The following EVI5 variants were observed in gnomAD, a reference collection of about 807,000 sequenced individuals.
The protein encoded by EVI5 is ecotropic viral integration site 5, also known as ecotropic viral integration site 5 protein homolog.
Under a neutral mutation model 112.0 loss-of-function variants are expected in EVI5, and 73 were observed. The observed-to-expected ratio is 0.65, with a 90% CI of 0.54 to 0.79. EVI5 has a LOEUF of 0.79. Among genes scored for constraint, EVI5 ranks in the 30% least tolerant of loss-of-function variants. EVI5 has a pLI of 0.00. For synonymous variants in EVI5, 305 were observed against 319.9 expected (o/e 0.95, Z 0.50); for missense variants, 900 against 968.8 (o/e 0.93, Z 0.94).
chr1:92,604,785 C>T (rs1399237345), intron 18 of EVI5, among the ~76,000 whole-genome samples: 1 of 152,164 alleles, frequency 6.6e-6, no homozygotes, highest in Non-Finnish European at 1.5e-5. Flanking sequence ...TAATGTGTTG[C>T]ACTATAACAT....
intron 19 of EVI5, among the ~76,000 whole-genome samples, chr1:92,552,613 T>C (rs1328555488): frequency 6.6e-6 from 1 of 152,226 alleles, no homozygotes; most frequent in African/African-American, 2.4e-5. Context: ...GTGTGATATA[T>C]CCCTTGAAGA....
chr1:92,764,655 C>G (rs1397478806), intron 1 of EVI5, among the ~76,000 whole-genome samples: 2 of 152,198 alleles, frequency 1.3e-5, no homozygotes, highest in African/African-American at 2.4e-5. Context: ...TTGAACTATA[C>G]AAGTGCAACT....
At chr1:92,569,932 C>T (rs1053955692) in intron 18 of EVI5, among the ~76,000 whole-genome samples, 2 of 144,214 alleles carry the variant, frequency 1.4e-5, no homozygotes, top group Non-Finnish European at 1.5e-5. Context: ...GAAAGATAAA[C>T]TCACCATTAA....
At chr1:92,542,448 G>A (rs777969092) in intron 19 of EVI5, among the ~76,000 whole-genome samples, 2 of 152,112 alleles carry the variant, frequency 1.3e-5, no homozygotes, top group African/African-American at 4.8e-5. Flanking sequence ...CAAACGGTTG[G>A]AATCAACTTC....
intron 18 of EVI5, among the ~76,000 whole-genome samples, chr1:92,581,091 A>T (rs1671860319): frequency 6.6e-6 from 1 of 152,202 alleles, no homozygotes; most frequent in Non-Finnish European, 1.5e-5. Flanking sequence ...TGGCTAGGTG[A>T]TTGTCCACAT....
At chr1:92,534,600 A>C (rs1447180420) in intron 19 of EVI5, among the ~76,000 whole-genome samples, 3 of 152,198 alleles carry the variant, frequency 2.0e-5, no homozygotes, top group Non-Finnish European at 4.4e-5. Context: ...CCAATGGAAC[A>C]GAATAGAGGC....
chr1:92,766,836 C>G (rs1682710859), intron 1 of EVI5, among the ~76,000 whole-genome samples: 1 of 152,190 alleles, frequency 6.6e-6, no homozygotes, highest in African/African-American at 2.4e-5. Context: ...AATCCCAGCA[C>G]TTTGGGAGGC....
chr1:92,783,502 AAAAAAG>A (rs1685157154), intron 1 of EVI5, among the ~76,000 whole-genome samples: 1 of 148,894 alleles, frequency 6.7e-6, no homozygotes, highest in African/African-American at 2.5e-5. Flanking sequence ...AAAAAAAAAA[AAAAAAG>A]AAAAGAAAAG....
intron 19 of EVI5, among the ~76,000 whole-genome samples, chr1:92,541,568 G>A (rs1485586803): frequency 1.3e-5 from 2 of 152,238 alleles, no homozygotes; most frequent in Middle Eastern, 3.4e-3. Flanking sequence ...TCCTCAAATA[G>A]TTAAACATAC....
intron 13 of EVI5, among the ~76,000 whole-genome samples, chr1:92,662,306 A>G (rs1423477565): frequency 6.6e-6 from 1 of 152,210 alleles, no homozygotes; most frequent in East Asian, 1.9e-4. Context: ...AACTGCATAT[A>G]TTCTGCATGC....
At chr1:92,615,926 G>T (rs965648641) in intron 16 of EVI5, among the ~76,000 whole-genome samples, 1 of 152,154 alleles carries the variant, frequency 6.6e-6, no homozygotes, top group Non-Finnish European at 1.5e-5. Context: ...TAAGGGTATG[G>T]GATAATGGTG....
rs1453483134 is a variant in EVI5 at position 92,785,064 on chromosome 1, C to T, written c.-310G>A. The T allele has an allele frequency of 1.0e-6, 1 of 985,550 alleles. No homozygotes were observed. The highest frequency in any genetic ancestry group is 1.2e-6 in the Non-Finnish European group (1 of 830,044). The allele number at this position is 985,550 out of a possible 1,614,324, so 61.1% of individuals were successfully genotyped here. On this transcript the variant is annotated 5_prime_UTR_variant, in exon 1 of 20. Coordinates refer to ENST00000684568, the MANE Select transcript of EVI5 (RefSeq NM_001350197.2). ...TGCAGCCAGCCCCTTGCCAGCTGGCCAGCTGGTTCCTCCGGGGTCCGGCCC... is the reference window on the plus strand; with the variant it reads ...TGCAGCCAGCCCCTTGCCAGCTGGCTAGCTGGTTCCTCCGGGGTCCGGCCC...
At chr1:92,740,339 C>T (rs1678172218) in intron 1 of EVI5, among the ~76,000 whole-genome samples, 1 of 152,320 alleles carries the variant, frequency 6.6e-6, no homozygotes, top group Middle Eastern at 3.4e-3. Flanking sequence ...CACCACCACA[C>T]CACAATGCAA....
intron 9 of EVI5, among the ~76,000 whole-genome samples, chr1:92,685,989 T>C (rs1229634958): frequency 6.6e-6 from 1 of 152,162 alleles, no homozygotes; most frequent in Non-Finnish European, 1.5e-5. Context: ...GCTTGCACCA[T>C]TCCTTCCGAA....
intron 9 of EVI5, among the ~76,000 whole-genome samples, chr1:92,686,325 A>C (rs1325400107): frequency 1.3e-5 from 2 of 152,236 alleles, no homozygotes; most frequent in Non-Finnish European, 2.9e-5. Flanking sequence ...GATGCAGAAA[A>C]GGCCTTTGAC....
intron 1 of EVI5, among the ~76,000 whole-genome samples, chr1:92,745,691 G>A (rs1054309554): frequency 6.6e-6 from 1 of 152,096 alleles, no homozygotes; most frequent in African/African-American, 2.4e-5. Flanking sequence ...ACCTGTAGTA[G>A]AGGCACTTGT....
intron 19 of EVI5, among the ~76,000 whole-genome samples, chr1:92,561,518 C>T (rs949516723): frequency 1.3e-5 from 2 of 151,944 alleles, no homozygotes; most frequent in African/African-American, 4.8e-5. Flanking sequence ...AGTTAAACTT[C>T]ATGTGAGTTA....
chr1:92,676,131 G>A (rs530671972), intron 10 of EVI5, among the ~76,000 whole-genome samples: 146 of 151,950 alleles, frequency 9.6e-4, no homozygotes, highest in African/African-American at 3.3e-3. Flanking sequence ...ACAGAAATGG[G>A]AATAGAACCT....
intron 1 of EVI5, among the ~76,000 whole-genome samples, chr1:92,766,908 T>A (rs1478125276): frequency 2.0e-5 from 3 of 151,954 alleles, no homozygotes; most frequent in African/African-American, 7.3e-5. Flanking sequence ...ATGGTGAAAC[T>A]CTGTCCCTAC....
Sources: allele counts gnomAD v4.1 joint callset (sites outside exome capture counted in the v4.1 genomes callset), GRCh38; gene constraint gnomAD v4.1.1; transcripts MANE v1.5; gene names NCBI Gene and HGNC (gene_info 2026-07-23, HGNC 2026-07-21).